The following LRRTM4 variants were observed in gnomAD, a reference collection of about 807,000 sequenced individuals.
LRRTM4 encodes leucine-rich repeat transmembrane neuronal protein 4.
In LRRTM4, 25 loss-of-function variants were observed where a neutral mutation model predicts 47.6. That is an observed-to-expected ratio of 0.53 (90% CI 0.38 to 0.73). The LOEUF is 0.73. Ranked by LOEUF, LRRTM4 falls within the 30% of genes least tolerant of loss-of-function variation. The probability of loss-of-function intolerance (pLI) is 0.00; values close to 1 mark genes in which losing one functional copy is unlikely to be tolerated. For synonymous variants in LRRTM4, 311 were observed against 269.5 expected (o/e 1.15, Z -1.51); for missense variants, 638 against 713.4 (o/e 0.89, Z 1.20).
intron 3 of LRRTM4, among the ~76,000 whole-genome samples, chr2:77,279,902 C>T (rs1676463072): frequency 1.3e-5 from 2 of 151,894 alleles, no homozygotes; most frequent in African/African-American, 4.8e-5. Context: ...CTTAGAATTT[C>T]ACTCTTGCCA....
intron 3 of LRRTM4, among the ~76,000 whole-genome samples, chr2:77,050,696 C>G (rs943121764): frequency 6.6e-6 from 1 of 152,110 alleles, no homozygotes; most frequent in Non-Finnish European, 1.5e-5. Flanking sequence ...CATCCTTCAC[C>G]TATTTCTTTT....
intron 3 of LRRTM4, among the ~76,000 whole-genome samples, chr2:77,495,272 A>C (rs1678317481): frequency 6.6e-6 from 1 of 152,074 alleles, no homozygotes; most frequent in Admixed American, 6.6e-5. Flanking sequence ...CAATATATGA[A>C]AGTTCTAGTT....
chr2:77,323,854 A>G (rs997717730), intron 3 of LRRTM4, among the ~76,000 whole-genome samples: 3 of 152,082 alleles, frequency 2.0e-5, no homozygotes, highest in African/African-American at 7.2e-5. Context: ...AGTAGTTCTT[A>G]ATTTCCTTAA....
chr2:77,032,947 T>A (rs1011342377), intron 3 of LRRTM4, among the ~76,000 whole-genome samples: 1 of 152,214 alleles, frequency 6.6e-6, no homozygotes, highest in East Asian at 1.9e-4. Flanking sequence ...TTGTACTAAG[T>A]AAGAGTGATC....
intron 3 of LRRTM4, among the ~76,000 whole-genome samples, chr2:77,514,202 GTT>G (rs968017002): frequency 4.0e-5 from 6 of 151,886 alleles, no homozygotes; most frequent in Admixed American, 2.0e-4. Flanking sequence ...CCTAAATAAA[GTT>G]TGTTTTCTAT....
chr2:76,933,881 T>G (rs1303057123), intron 3 of LRRTM4, among the ~76,000 whole-genome samples: 4 of 152,102 alleles, frequency 2.6e-5, no homozygotes, highest in African/African-American at 7.2e-5. Context: ...ATTTAACCCT[T>G]TACCCCAAAT....
chr2:76,764,764 T>C (rs960197194), intron 3 of LRRTM4, among the ~76,000 whole-genome samples: 2 of 152,202 alleles, frequency 1.3e-5, no homozygotes, highest in Admixed American at 6.5e-5. Context: ...GAGAGGACTA[T>C]AGAGCTATCC....
At chr2:77,236,998 T>A (rs903012768) in intron 3 of LRRTM4, among the ~76,000 whole-genome samples, 2 of 152,088 alleles carry the variant, frequency 1.3e-5, no homozygotes, top group African/African-American at 4.8e-5. Context: ...GTTTGTTGTA[T>A]CTTTGACAAC....
intron 3 of LRRTM4, among the ~76,000 whole-genome samples, chr2:77,173,867 G>T (rs1199430077): frequency 6.6e-6 from 1 of 152,138 alleles, no homozygotes; most frequent in African/African-American, 2.4e-5. Flanking sequence ...GTTTGGAGCA[G>T]TACTATTATT....
At chr2:77,394,620 T>C (rs1012719308) in intron 3 of LRRTM4, among the ~76,000 whole-genome samples, 1 of 151,884 alleles carries the variant, frequency 6.6e-6, no homozygotes, top group African/African-American at 2.4e-5. Flanking sequence ...CAAGTACACA[T>C]ACACAACAAG....
At chr2:76,841,992 C>T (rs1021952267) in intron 3 of LRRTM4, among the ~76,000 whole-genome samples, 8 of 152,122 alleles carry the variant, frequency 5.3e-5, no homozygotes, top group African/African-American at 1.9e-4. Context: ...TATCACTAGA[C>T]TGAGCTACTG....
At chr2:77,080,618 A>C (rs1354165149) in intron 3 of LRRTM4, among the ~76,000 whole-genome samples, 1 of 151,794 alleles carries the variant, frequency 6.6e-6, no homozygotes, top group Admixed American at 6.6e-5. Context: ...AGTGGTTCAA[A>C]CTAAACACTT....
At chr2:76,996,354 C>A (rs1677202999) in intron 3 of LRRTM4, among the ~76,000 whole-genome samples, 1 of 152,044 alleles carries the variant, frequency 6.6e-6, no homozygotes, top group African/African-American at 2.4e-5. Flanking sequence ...CTGTGTCCTA[C>A]TAATGAAAAT....
rs111547050 is a variant in LRRTM4, at chr2:77,216,805, G to A, written c.1551+301513C>T. Among the ~76,000 whole-genome samples the A allele has an allele frequency of 4.1e-3, 627 of 151,878 alleles. 1 individual carries two copies. Among genetic ancestry groups the A allele is most frequent in the African/African-American group, 0.014 (596 of 41,420 alleles). On this transcript the variant is annotated intron_variant, in intron 3 of 3. Transcript: ENST00000409884. Reference sequence around the variant, plus strand: ...GTTTTTGAAAAGGCTGGGCGCGGTGGCTCATGCCTGTAATCCCAGCACTTT... The same window carrying A: ...GTTTTTGAAAAGGCTGGGCGCGGTGACTCATGCCTGTAATCCCAGCACTTT...
chr2:77,085,164 A>C (rs1005031056), intron 3 of LRRTM4, among the ~76,000 whole-genome samples: 2 of 152,048 alleles, frequency 1.3e-5, no homozygotes, highest in African/African-American at 2.4e-5. Flanking sequence ...TTTATGAAGA[A>C]ATATTTTAGG....
rs574573767 is a variant in LRRTM4 at position 77,136,964 on chromosome 2, T to C, written c.1551+381354A>G. 2.0e-5 allele frequency among the ~76,000 whole-genome samples: 3 copies of C among 151,774 alleles called. 1 individual carries two copies. The highest frequency in any genetic ancestry group is 7.3e-5 in the African/African-American group (3 of 41,152). ...AGAAATGAACAAAGCCTCCAAGAAA[T>C]ATGGGACTATGTGAAAAGACCAAAT... is the stretch of plus-strand genomic sequence containing the variant. On this transcript the variant is annotated intron_variant, in intron 3 of 3. Coordinates refer to ENST00000409884, the MANE Select transcript of LRRTM4 (RefSeq NM_001134745.3).
intron 3 of LRRTM4, among the ~76,000 whole-genome samples, chr2:76,845,091 T>C (rs1165611065): frequency 6.6e-6 from 1 of 152,108 alleles, no homozygotes; most frequent in African/African-American, 2.4e-5. Context: ...TTTTGTGATT[T>C]AAAAAAAGTT....
At chr2:76,926,282 A>G (rs1674586750) in intron 3 of LRRTM4, among the ~76,000 whole-genome samples, 1 of 151,984 alleles carries the variant, frequency 6.6e-6, no homozygotes, top group South Asian at 2.1e-4. Flanking sequence ...TAAGACTACA[A>G]TAAATTGTCT....
At chr2:77,124,183 C>T (rs1379759297) in intron 3 of LRRTM4, among the ~76,000 whole-genome samples, 1 of 151,926 alleles carries the variant, frequency 6.6e-6, no homozygotes, top group Non-Finnish European at 1.5e-5. Flanking sequence ...ATTCTGAGTC[C>T]TATATCTGGA....
Sources: gnomAD v4.1 joint callset for allele counts (sites outside exome capture counted in the v4.1 genomes callset) on GRCh38, gnomAD v4.1.1 for gene constraint, MANE v1.5 for transcripts, NCBI Gene and HGNC (gene_info 2026-07-23, HGNC 2026-07-21) for gene names.